Variants in ADM2 observed in about 807,000 individuals in gnomAD.
The protein encoded by ADM2 is protein ADM2.
ADM2 carries 5 observed loss-of-function variants against 7.1 expected under a neutral mutation model. The ratio of observed to expected loss-of-function variants is 0.71; its 90% confidence interval spans 0.37 to 1.49. The LOEUF is 1.49. Among genes scored for constraint, ADM2 ranks in the 40% most tolerant of loss-of-function variants. ADM2 has a pLI of 0.03. For missense variants in ADM2, 236 were observed against 211.2 expected, an observed-to-expected ratio of 1.12 and a Z score of -0.73; for synonymous variants, 123 against 92.8, an observed-to-expected ratio of 1.33 and a Z score of -1.87.
intron 2 of ADM2, among the ~76,000 whole-genome samples, chr22:50,482,330 C>T (rs2068206349): frequency 6.6e-6 from 1 of 152,148 alleles, no homozygotes; most frequent in Non-Finnish European, 1.5e-5. Context: ...GCCGGGGTGC[C>T]CTTTGGCCAA....
In ADM2 at chr22:50,483,228, G is replaced by C. The variant is rs1011892189; in HGVS notation, c.*325G>C. ...AGCAGAAGCTGGGCCCTGAACACAC[G>C]GGGCCATGTCTGGACGAGCAGGGGA... On this transcript the variant is annotated 3_prime_UTR_variant, in exon 3 of 3. Transcript: ENST00000395737. The C allele has an allele frequency of 2.3e-5, 13 of 567,574 alleles. No individual in the cohort carries two copies. The highest frequency in any genetic ancestry group is 4.0e-5 in the Non-Finnish European group (12 of 298,902). The allele number at this position is 567,574 out of a possible 1,614,324, so 35.2% of individuals were successfully genotyped here.
At position 50,485,003 on chromosome 22, in the gene ADM2, C is replaced by G. The variant is rs1415173307; in HGVS notation, c.*2100C>G. On this transcript the variant is annotated 3_prime_UTR_variant, in exon 3 of 3. Transcript: ENST00000395737. ...TGGCCAACATGGTGAAATCCCGTCT[C>G]TACTAAAAACAGAAAATTATCCGGG... 6.6e-6 allele frequency: 1 copy of G among 152,274 alleles called. No individual in the cohort carries two copies. Among genetic ancestry groups the G allele is most frequent in the Non-Finnish European group, 1.5e-5 (1 of 68,104 alleles). 9.4% of individuals were successfully genotyped at this position (152,274 alleles called of 1,614,324 possible).
At chr22:50,481,784 T>C in intron 1 of ADM2, 21 bp downstream of exon 1, 1 of 1,201,686 alleles carries the variant, frequency 8.3e-7, no homozygotes, top group East Asian at 3.2e-5. Flanking sequence ...AGGGGGTGGC[T>C]CGCGGCTCAG....
chr22:50,486,383 CGGA>C lies in ADM2; in HGVS notation c.*3483_*3485del, dbSNP rs1402976777. The stretch of plus-strand genomic sequence containing the variant: ...AATCTCCAGCTGTGGTTGTTGAACT[CGGA>C]GGTGAGCTCCTCTCACCACTCTCTT... On this transcript the variant is annotated 3_prime_UTR_variant, in exon 3 of 3. Coordinates refer to ENST00000395737, the MANE Select transcript of ADM2 (RefSeq NM_001253845.2). 6.3e-6 allele frequency: 1 copy of C among 158,970 alleles called. No homozygotes were observed. Among genetic ancestry groups the C allele is most frequent in the Non-Finnish European group, 1.4e-5 (1 of 72,186 alleles). 9.8% of individuals were successfully genotyped at this position (158,970 alleles called of 1,614,324 possible). A position where few individuals can be genotyped will look rare whatever the true frequency, so the allele number is the denominator to read the frequency against.
rs926326104 is a variant in ADM2, at chr22:50,484,647, C to T, written c.*1744C>T. 6.6e-6 allele frequency: 1 copy of T among 152,470 alleles called. No homozygotes were observed. The highest frequency in any genetic ancestry group is 1.5e-5 in the Non-Finnish European group (1 of 68,236). The allele number at this position is 152,470 out of a possible 1,614,324, so 9.4% of individuals were successfully genotyped here. Reference sequence around the variant, plus strand: ...GCCCAGCCAAAACCCTCCCAGACGTCTCCTCTCCTGCCTGGGCAAAGTCCA... The same window carrying T: ...GCCCAGCCAAAACCCTCCCAGACGTTTCCTCTCCTGCCTGGGCAAAGTCCA... On this transcript the variant is annotated 3_prime_UTR_variant, in exon 3 of 3. Transcript: ENST00000395737.
rs527880215 is a variant in ADM2, at chr22:50,481,841, G to A, written c.-7G>A. ...TCACCGCCCCCTCCCCTGCAGCCCC[G>A]CCCGCCATGGCCCGGATCCCGACGG... is the stretch of plus-strand genomic sequence containing the variant. On this transcript the variant is annotated 5_prime_UTR_variant, in exon 2 of 3. Transcript: ENST00000395737. 3.4e-6 allele frequency: 5 copies of A among 1,490,236 alleles called. No homozygotes were observed. In the East Asian group the frequency reaches 8.7e-5, roughly 26 times the overall value. 92.3% of individuals were successfully genotyped at this position (1,490,236 alleles called of 1,614,324 possible).
chr22:50,483,343 T>G lies in ADM2; in HGVS notation c.*440T>G. ...TGTGCCTGGGCTGTTCCTGCTCTCA[T>G]GCACAACCAGCCCTTCCACGTGCCT... On this transcript the variant is annotated 3_prime_UTR_variant, in exon 3 of 3. Transcript: ENST00000395737. The G allele has an allele frequency of 2.2e-6, 1 of 445,716 alleles. No individual in the cohort carries two copies. 27.6% of individuals were successfully genotyped at this position (445,716 alleles called of 1,614,324 possible).
At chr22:50,482,016 G>C (rs1037223440) in intron 2 of ADM2, 59 bp downstream of exon 2, 1 of 1,441,594 alleles carries the variant, frequency 6.9e-7, no homozygotes, top group Non-Finnish European at 9.3e-7. Context: ...GCAGAGTGCC[G>C]GGGGCCGCGG....
In ADM2 at chr22:50,483,165, A is replaced by G. The variant is rs1180642746; in HGVS notation, c.*262A>G. ...ACAGCTGGCGGCAGCACCAGATGCT[A>G]AGCGCTTCAGAGAGGAGGTGTCTGC... On this transcript the variant is annotated 3_prime_UTR_variant, in exon 3 of 3. Transcript: ENST00000395737. The G allele has an allele frequency of 5.9e-6, 4 of 678,918 alleles. No individual in the cohort carries two copies. Among genetic ancestry groups the G allele is most frequent in the African/African-American group, 3.5e-5 (2 of 56,756 alleles). The allele number at this position is 678,918 out of a possible 1,614,324, so 42.1% of individuals were successfully genotyped here. A position where few individuals can be genotyped will look rare whatever the true frequency, so the allele number is the denominator to read the frequency against.
At position 50,482,658 on chromosome 22, in the gene ADM2, G is replaced by A. The variant is rs1425712028; in HGVS notation, c.202G>A (p.Ala68Thr). ...CTGGAAGCTTCACCGGGCCCTCCAG[G>A]CACAGAGGGGTGCCGGCCTGGCCCC... is the stretch of plus-strand genomic sequence containing the variant. ...VVWKLHRALQ[A>T]QRGAGLAPVM... The change falls in exon 3 of 3, where the codon GCA becomes ACA. Residue 68 changes from alanine (A) to threonine (T), a missense_variant. Coordinates refer to ENST00000395737, the MANE Select transcript of ADM2 (RefSeq NM_001253845.2). 1.3e-6 allele frequency: 2 copies of A among 1,575,960 alleles called. No individual in the cohort carries two copies. Among genetic ancestry groups the A allele is most frequent in the Admixed American group, 1.8e-5 (1 of 56,110 alleles).
chr22:50,484,284 G>GGTC lies in ADM2; in HGVS notation c.*1381_*1382insGTC. 1 of 152,806 alleles carries GGTC rather than the reference G, an allele frequency of 6.5e-6. No homozygotes were observed. 9.5% of individuals were successfully genotyped at this position (152,806 alleles called of 1,614,324 possible). A position where few individuals can be genotyped will look rare whatever the true frequency, so the allele number is the denominator to read the frequency against. ...TGGAGGCCTCCGTGCACTGAGAGAT[G>GGTC]TACTAGGATTGCAGCAAAGGTGGTC... On this transcript the variant is annotated 3_prime_UTR_variant, in exon 3 of 3. Transcript: ENST00000395737.
rs1392088530 is a variant in ADM2 at position 50,482,607 on chromosome 22, A to G, written c.151A>G (p.Arg51Gly). ...GAGCCCTTCCAGCAGCCTGCAGCCCAGGCACCCCGCACCCCGACCTGTGGT... is the reference window on the plus strand; with the variant it reads ...GAGCCCTTCCAGCAGCCTGCAGCCCGGGCACCCCGCACCCCGACCTGTGGT... The part of the protein sequence containing the change: ...ARSPSSSLQP[R>G]HPAPRPVVWK... The change falls in exon 3 of 3, where the codon AGG becomes GGG. Residue 51 changes from arginine to glycine, a missense_variant. Physicochemically the swap from Arg to Gly is moderately radical, Grantham distance 125. Transcript: ENST00000395737. 6.7e-7 allele frequency: 1 copy of G among 1,489,508 alleles called. No individual in the cohort carries two copies. The highest frequency in any genetic ancestry group is 1.4e-5 in the South Asian group (1 of 73,142). The allele number at this position is 1,489,508 out of a possible 1,614,324, so 92.3% of individuals were successfully genotyped here.
chr22:50,481,957 G>C lies in ADM2; in HGVS notation c.110G>C (p.Arg37Thr). 6.5e-7 allele frequency: 1 copy of C among 1,535,134 alleles called. No homozygotes were observed. Among genetic ancestry groups the C allele is most frequent in the Non-Finnish European group, 8.8e-7 (1 of 1,141,512 alleles). The change falls in exon 2 of 3, where the codon AGG becomes ACG. Residue 37 changes from arginine to threonine, a missense_variant and splice_region_variant. Transcript: ENST00000395737. ...LGGDPRPVKP[R>T]EPPARSPSSS... is the part of the protein sequence containing the mutation. ...GGGGACCCGCGACCCGTCAAACCCAGGTGAGTCCAGGTCTTGGGCCAGCCA... is the reference window on the plus strand; with the variant it reads ...GGGGACCCGCGACCCGTCAAACCCACGTGAGTCCAGGTCTTGGGCCAGCCA...
In ADM2 at chr22:50,485,033, G is replaced by A. The variant is rs2068248108; in HGVS notation, c.*2130G>A. On this transcript the variant is annotated 3_prime_UTR_variant, in exon 3 of 3. Transcript: ENST00000395737. The stretch of plus-strand genomic sequence containing the variant: ...AAAAACAGAAAATTATCCGGGCGTG[G>A]TGGCACATGACTGTAATCCCAGCTA... 6.6e-6 allele frequency: 1 copy of A among 152,324 alleles called. No individual in the cohort carries two copies. The highest frequency in any genetic ancestry group is 1.5e-5 in the Non-Finnish European group (1 of 68,112). The allele number at this position is 152,324 out of a possible 1,614,324, so 9.4% of individuals were successfully genotyped here. A position where few individuals can be genotyped will look rare whatever the true frequency, so the allele number is the denominator to read the frequency against.
Position 50,482,923 on chromosome 22 carries a change from C to T in ADM2, c.*20C>T. 6.4e-7 allele frequency: 1 copy of T among 1,566,800 alleles called. No homozygotes were observed. Among genetic ancestry groups the T allele is most frequent in the Non-Finnish European group, 8.6e-7 (1 of 1,161,944 alleles). On this transcript the variant is annotated 3_prime_UTR_variant, in exon 3 of 3. Transcript: ENST00000395737. ...GGCTGAGGTGGGGCCGGGCCACACC[C>T]CTGCCCATCCCAGCCAGGGTGCTGT...
chr22:50,481,872 C>T lies in ADM2; in HGVS notation c.25C>T (p.Leu9=). ...CATGGCCCGGATCCCGACGGCCGCC[C>T]TGGGTTGCATCAGCCTCCTCTGCCT... MARIPTAA[L]GCISLLCLQL... Residue 9 remains leucine (L), a synonymous_variant, in exon 2 of 3, where the codon CTG becomes TTG. Transcript: ENST00000395737. The T allele has an allele frequency of 2.0e-6, 3 of 1,516,370 alleles. No homozygotes were observed. Among genetic ancestry groups the T allele is most frequent in the Non-Finnish European group, 2.6e-6 (3 of 1,137,124 alleles). The allele number at this position is 1,516,370 out of a possible 1,614,324, so 93.9% of individuals were successfully genotyped here. A position where few individuals can be genotyped will look rare whatever the true frequency, so the allele number is the denominator to read the frequency against.
At position 50,483,599 on chromosome 22, in the gene ADM2, C is replaced by CCTG; in HGVS notation, c.*696_*697insCTG. 3.4e-6 allele frequency: 1 copy of CCTG among 297,932 alleles called. No individual in the cohort carries two copies. The highest frequency in any genetic ancestry group is 6.7e-6 in the Non-Finnish European group (1 of 149,724). 18.5% of individuals were successfully genotyped at this position (297,932 alleles called of 1,614,324 possible). A position where few individuals can be genotyped will look rare whatever the true frequency, so the allele number is the denominator to read the frequency against. The stretch of plus-strand genomic sequence containing the variant: ...AAACCATTCTGGGACAGGGACACCC[C>CCTG]TTTCTACCCCAGGGCAGGGCAGGGC... On this transcript the variant is annotated 3_prime_UTR_variant, in exon 3 of 3. Transcript: ENST00000395737.
rs753928577 is a variant in ADM2, at chr22:50,484,013, T to C, written c.*1110T>C. ...TTTAATTTACAAATGTTTGCTAGGGTCACCCTCTCGGCCATCCCACGAGGG... is the reference window on the plus strand; with the variant it reads ...TTTAATTTACAAATGTTTGCTAGGGCCACCCTCTCGGCCATCCCACGAGGG... On this transcript the variant is annotated 3_prime_UTR_variant, in exon 3 of 3. Transcript: ENST00000395737. 6.6e-6 allele frequency: 1 copy of C among 152,242 alleles called. No individual in the cohort carries two copies. Among genetic ancestry groups the C allele is most frequent in the Non-Finnish European group, 1.5e-5 (1 of 68,122 alleles). The allele number at this position is 152,242 out of a possible 1,614,324, so 9.4% of individuals were successfully genotyped here.
Position 50,486,137 on chromosome 22 carries a change from T to TCGCTGGGCC in ADM2, c.*3238_*3246dup, listed in dbSNP as rs919591607. The TCGCTGGGCC allele has an allele frequency of 3.3e-5, 5 of 152,274 alleles. No homozygotes were observed. Among genetic ancestry groups the TCGCTGGGCC allele is most frequent in the Admixed American group, 6.5e-5 (1 of 15,280 alleles). 9.4% of individuals were successfully genotyped at this position (152,274 alleles called of 1,614,324 possible). On this transcript the variant is annotated 3_prime_UTR_variant, in exon 3 of 3. Coordinates refer to ENST00000395737, the MANE Select transcript of ADM2 (RefSeq NM_001253845.2). ...ACGAGGCCTGACCCCATCCCCATCCTCGCTGGGCCCGCCGACCCCGGTGTT... is the reference window on the plus strand; with the variant it reads ...ACGAGGCCTGACCCCATCCCCATCCTCGCTGGGCCCGCTGGGCCCGCCGACCCCGGTGTT...
Sources: allele counts gnomAD v4.1 joint callset (sites outside exome capture counted in the v4.1 genomes callset), GRCh38; gene constraint gnomAD v4.1.1; transcripts MANE v1.5; gene names NCBI Gene and HGNC (gene_info 2026-07-23, HGNC 2026-07-21).